DTD1: variants seen among roughly 807,000 people sequenced by gnomAD.
The protein encoded by DTD1 is D-tyrosyl-tRNA deacylase 1 homolog.
DTD1 carries 13 observed loss-of-function variants against 25.6 expected under a neutral mutation model. That is an observed-to-expected ratio of 0.51 (90% CI 0.33 to 0.81). DTD1 has a LOEUF of 0.81. Ranked by LOEUF, DTD1 falls within the 30% of genes least tolerant of loss-of-function variation. The probability of loss-of-function intolerance (pLI) is 0.02; values close to 1 mark genes in which losing one functional copy is unlikely to be tolerated. For missense variants in DTD1, 193 were observed against 266.4 expected (o/e 0.72, Z 1.92); for synonymous variants, 110 against 103.6 (o/e 1.06, Z -0.37).
chr20:18,726,160 A>T lies in DTD1; in HGVS notation c.478-17940A>T, dbSNP rs6514922. 1.1e-3 allele frequency among the ~76,000 whole-genome samples: 162 copies of T among 152,098 alleles called. 1 individual carries two copies. The highest frequency in any genetic ancestry group is 3.5e-3 in the African/African-American group (145 of 41,486). ...GAATTTACAGGTGTGGGTGGAGTGGAGTCGCCTCTGGCATAGTCATTCTGT... is the reference window on the plus strand; with the variant it reads ...GAATTTACAGGTGTGGGTGGAGTGGTGTCGCCTCTGGCATAGTCATTCTGT... On this transcript the variant is annotated intron_variant, in intron 4 of 5. Transcript: ENST00000377452.
At position 18,764,087 on chromosome 20, in the gene DTD1, A is replaced by G. The variant is rs1411141860; in HGVS notation, c.*747A>G. On this transcript the variant is annotated 3_prime_UTR_variant, in exon 6 of 6. Transcript: ENST00000377452. Reference sequence around the variant, plus strand: ...TGGGAGCCTGTCTAGCCAGTTTACAATTGATGACATGGTACTTGGAAGTGA... The same window carrying G: ...TGGGAGCCTGTCTAGCCAGTTTACAGTTGATGACATGGTACTTGGAAGTGA... The G allele has an allele frequency of 6.6e-6, 1 of 152,172 alleles. No individual in the cohort carries two copies. Among genetic ancestry groups the G allele is most frequent in the African/African-American group, 2.4e-5 (1 of 41,420 alleles). The allele number at this position is 152,172 out of a possible 1,614,324, so 9.4% of individuals were successfully genotyped here. A position where few individuals can be genotyped will look rare whatever the true frequency, so the allele number is the denominator to read the frequency against.
At chr20:18,742,455 G>A (rs978522820) in intron 4 of DTD1, among the ~76,000 whole-genome samples, 18 of 152,162 alleles carry the variant, frequency 1.2e-4, no homozygotes, top group Non-Finnish European at 2.2e-4. Context: ...AGCAGCCTAT[G>A]AACGAGCATT....
intron 5 of DTD1, among the ~76,000 whole-genome samples, chr20:18,754,865 G>A (rs188239616): frequency 6.6e-6 from 1 of 152,364 alleles, no homozygotes. Flanking sequence ...AGTGTCCACT[G>A]CTGGCCAAAA....
intron 4 of DTD1, chr20:18,643,483 G>C (rs890250575): frequency 5.5e-6 from 1 of 181,164 alleles, no homozygotes; most frequent in Admixed American, 5.6e-5. Flanking sequence ...TCTAAAGCAA[G>C]TTTTTGTTTG....
chr20:18,597,608 T>C (rs192834348), intron 3 of DTD1, among the ~76,000 whole-genome samples: 10 of 152,344 alleles, frequency 6.6e-5, no homozygotes, highest in South Asian at 2.1e-4. Flanking sequence ...GAACATTTTA[T>C]GTAAATGGAA....
chr20:18,688,892 G>T (rs2061029480), intron 4 of DTD1, among the ~76,000 whole-genome samples: 1 of 152,174 alleles, frequency 6.6e-6, no homozygotes, highest in South Asian at 2.1e-4. Flanking sequence ...CCTGTGGGGG[G>T]TGGGGAGGTA....
intron 3 of DTD1, among the ~76,000 whole-genome samples, chr20:18,601,034 T>C (rs2060631882): frequency 6.6e-6 from 1 of 152,196 alleles, no homozygotes; most frequent in Non-Finnish European, 1.5e-5. Flanking sequence ...TATTTTTCTT[T>C]TTATTTCTTG....
intron 4 of DTD1, among the ~76,000 whole-genome samples, chr20:18,709,078 T>C (rs958909826): frequency 6.6e-6 from 1 of 152,224 alleles, no homozygotes; most frequent in African/African-American, 2.4e-5. Context: ...TAGTTCAGAC[T>C]GTCAGTCTTC....
intron 4 of DTD1, among the ~76,000 whole-genome samples, chr20:18,692,681 G>T (rs1313179643): frequency 2.0e-5 from 3 of 152,126 alleles, no homozygotes; most frequent in African/African-American, 7.2e-5. Flanking sequence ...GAGAGCTGAG[G>T]CTCTGAACCT....
chr20:18,676,640 A>G (rs1036637928), intron 4 of DTD1, among the ~76,000 whole-genome samples: 13 of 152,160 alleles, frequency 8.5e-5, no homozygotes, highest in African/African-American at 3.1e-4. Flanking sequence ...CTGAGCAGCA[A>G]AACAGACAAG....
At chr20:18,601,186 A>G (rs2060632690) in intron 3 of DTD1, among the ~76,000 whole-genome samples, 1 of 151,920 alleles carries the variant, frequency 6.6e-6, no homozygotes, top group Non-Finnish European at 1.5e-5. Flanking sequence ...TTTTTTGAAG[A>G]TACTGTTTAT....
chr20:18,629,322 A>T, intron 4 of DTD1, among the ~76,000 whole-genome samples: 1 of 50,296 alleles, frequency 2.0e-5, no homozygotes, highest in Non-Finnish European at 4.5e-5. Flanking sequence ...TTTTTTTGAG[A>T]CAGGGTCTTG....
intron 4 of DTD1, among the ~76,000 whole-genome samples, chr20:18,673,759 C>T (rs1011997083): frequency 1.3e-5 from 2 of 152,116 alleles, no homozygotes; most frequent in Non-Finnish European, 1.5e-5. Context: ...GAGTGTGTTT[C>T]AGCCGAGAGT....
chr20:18,689,842 T>G (rs1013383826), intron 4 of DTD1, among the ~76,000 whole-genome samples: 1 of 13,340 alleles, frequency 7.5e-5, no homozygotes, highest in Non-Finnish European at 3.1e-4. Context: ...TTTCATAAGT[T>G]TAAATTTAAG....
intron 4 of DTD1, among the ~76,000 whole-genome samples, chr20:18,630,098 A>T (rs535902690): frequency 1.4e-5 from 2 of 146,768 alleles, no homozygotes; most frequent in South Asian, 4.3e-4. Context: ...GTAGTAACTG[A>T]GGGTCTTGGA....
chr20:18,751,084 T>TGC (rs771328640), intron 5 of DTD1, among the ~76,000 whole-genome samples: 1 of 151,312 alleles, frequency 6.6e-6, no homozygotes, highest in African/African-American at 2.4e-5. Context: ...TGTGTGTGTG[T>TGC]GGGTGTGTGT....
At chr20:18,628,009 G>A in intron 3 of DTD1, 118 bp from the exon 4 acceptor site, 3 of 818,700 alleles carry the variant, frequency 3.7e-6, no homozygotes, top group Non-Finnish European at 5.8e-6. Flanking sequence ...TCTTTTGTAA[G>A]TTTCCCAGTA....
chr20:18,735,134 G>A (rs1397309933), intron 4 of DTD1, among the ~76,000 whole-genome samples: 11 of 152,194 alleles, frequency 7.2e-5, no homozygotes, highest in African/African-American at 1.2e-4. Context: ...GAACTTTTCC[G>A]TCTACATTAT....
At chr20:18,748,784 G>T (rs2061310455) in intron 5 of DTD1, among the ~76,000 whole-genome samples, 1 of 152,164 alleles carries the variant, frequency 6.6e-6, no homozygotes, top group African/African-American at 2.4e-5. Flanking sequence ...TTTTAATAAT[G>T]TATTTATTTC....
Sources: gnomAD v4.1 joint callset for allele counts (sites outside exome capture counted in the v4.1 genomes callset) on GRCh38, gnomAD v4.1.1 for gene constraint, MANE v1.5 for transcripts, NCBI Gene and HGNC (gene_info 2026-07-23, HGNC 2026-07-21) for gene names.